The following GPR132 variants were observed in gnomAD, a reference collection of about 807,000 sequenced individuals.
The protein encoded by GPR132 is probable G protein-coupled receptor 132.
GPR132 carries 4 observed loss-of-function variants against 1.9 expected under a neutral mutation model. That is an observed-to-expected ratio of 2.13 (90% confidence interval 1.05 to 4.87). The LOEUF (loss-of-function observed/expected upper bound fraction) is 4.87. Ranked by LOEUF, GPR132 falls within the 30% of genes most tolerant of loss-of-function variation. The pLI is 0.01. For missense variants in GPR132, 404 were observed against 512.5 expected (o/e 0.79, Z 2.04); for synonymous variants, 233 against 234.2 (o/e 0.99, Z 0.05).
At position 105,051,903 on chromosome 14, in the gene GPR132, G is replaced by T. The variant is rs140865688; in HGVS notation, c.234C>A (p.Ala78=). The change falls in exon 4 of 4, where the codon GCC becomes GCA. Residue 78 remains alanine, a synonymous_variant. Transcript: ENST00000329797. The surrounding 1 kb of genome is among the most constrained non-coding windows in gnomAD (Gnocchi z 8.0). ...AGAGTGCCAGGCAGAGCAGGTAGACGGCCAGCACGTTGCCCTGCAGTACCT... is the reference window on the plus strand; with the variant it reads ...AGAGTGCCAGGCAGAGCAGGTAGACTGCCAGCACGTTGCCCTGCAGTACCT... The part of the protein sequence containing the change: ...LLQVLQGNVL[A]VYLLCLALCE... The T allele has an allele frequency of 6.2e-7, 1 of 1,613,546 alleles. No individual in the cohort carries two copies. Among genetic ancestry groups the T allele is most frequent in the South Asian group, 1.1e-5 (1 of 91,076 alleles).
In GPR132 at chr14:105,055,506, G is replaced by T; in HGVS notation, c.-86C>A. ...GGAGACTCTGCCCCAGGAAGCACTC[G>T]CTCCGCATTTGCTCCCAGCCCCCAG... On this transcript the variant is annotated 5_prime_UTR_variant, in exon 3 of 4. Transcript: ENST00000329797. The surrounding 1 kb of genome is among the most constrained non-coding windows in gnomAD (Gnocchi z 4.7). 1 of 767,364 alleles carries T rather than the reference G, an allele frequency of 1.3e-6. No homozygotes were observed. The highest frequency in any genetic ancestry group is 2.5e-6 in the Non-Finnish European group (1 of 407,576). 47.5% of individuals were successfully genotyped at this position (767,364 alleles called of 1,614,324 possible).
rs12890396 is a variant in GPR132 at position 105,049,889 on chromosome 14, C to T, written c.*1105G>A. 0.51 allele frequency: 77,059 copies of T among 152,320 alleles called. 22,284 individuals carry two copies. The highest frequency in any genetic ancestry group is 0.65 in the Non-Finnish European group (44,490 of 68,088). The allele number at this position is 152,320 out of a possible 1,614,324, so 9.4% of individuals were successfully genotyped here. On this transcript the variant is annotated 3_prime_UTR_variant, in exon 4 of 4. Transcript: ENST00000329797. The stretch of plus-strand genomic sequence containing the variant: ...CGTGGCTCAGCCCCACGGCCCTGCG[C>T]GGCCTCCCTGGAAGCCCCTGTGCTG...
chr14:105,057,408 AATGTTG>A, intron 1 of GPR132, 128 bp from the exon 2 acceptor site: 1 of 513,962 alleles, frequency 1.9e-6, no homozygotes. Flanking sequence ...GTGTTTTTTA[AATGTTG>A]AGAATCTGCC....
At position 105,060,657 on chromosome 14, in the gene GPR132, G is replaced by A. The variant is rs539269723; in HGVS notation, c.-860-3377C>T. Among the ~76,000 whole-genome samples, 10 of 152,190 alleles carry A rather than the reference G, an allele frequency of 6.6e-5. No individual in the cohort carries two copies. Among genetic ancestry groups the A allele is most frequent in the Admixed American group, 2.6e-4 (4 of 15,280 alleles). On this transcript the variant is annotated intron_variant, in intron 1 of 3. Transcript: ENST00000329797. This position sits in a 1 kb window ranked among gnomAD's most constrained non-coding sequence, Gnocchi z 6.3. Reference sequence around the variant, plus strand: ...TGAGGCCCCTGGGCCCCATCAGAACGCCTGAGCCGCCCAGGAAGGGGCTCC... The same window carrying A: ...TGAGGCCCCTGGGCCCCATCAGAACACCTGAGCCGCCCAGGAAGGGGCTCC...
Position 105,059,650 on chromosome 14 carries a change from A to G in GPR132, c.-860-2370T>C, listed in dbSNP as rs114617791. Among the ~76,000 whole-genome samples, 481 of 152,088 alleles carry G rather than the reference A, an allele frequency of 3.2e-3. 2 individuals carry two copies. The highest frequency in any genetic ancestry group is 0.011 in the African/African-American group (436 of 41,504). On this transcript the variant is annotated intron_variant, in intron 1 of 3. Transcript: ENST00000329797. This position sits in a 1 kb window ranked among gnomAD's most constrained non-coding sequence, Gnocchi z 4.2. ...GTCCCCACCTTTCTGGACGGAACCA[A>G]TGTACGTCTCACATATATTGATTGA...
At chr14:105,054,049 C>T (rs1474501141) in intron 3 of GPR132, 2 of 1,288,270 alleles carry the variant, frequency 1.6e-6, no homozygotes, top group Non-Finnish European at 2.0e-6. Context: ...CCACCAGCTC[C>T]AGTGTCCTGG....
chr14:105,061,921 A>T (rs959905797), intron 1 of GPR132, among the ~76,000 whole-genome samples: 4 of 152,232 alleles, frequency 2.6e-5, no homozygotes, highest in African/African-American at 9.6e-5. Flanking sequence ...AGGTGCTCCC[A>T]GCCTGCCGGA....
intron 3 of GPR132, chr14:105,054,075 G>C: frequency 7.8e-7 from 1 of 1,288,654 alleles, no homozygotes; most frequent in Non-Finnish European, 1.0e-6. Flanking sequence ...CACTCTGGCT[G>C]AGTTCATGCT....
At position 105,060,164 on chromosome 14, in the gene GPR132, G is replaced by A. The variant is rs1243850724; in HGVS notation, c.-860-2884C>T. On this transcript the variant is annotated intron_variant, in intron 1 of 3. Coordinates refer to ENST00000329797, the MANE Select transcript of GPR132 (RefSeq NM_013345.4). This position sits in a 1 kb window ranked among gnomAD's most constrained non-coding sequence, Gnocchi z 6.3. ...TCCCTCGGGTGCCTGTGTGCTGGGC[G>A]CTGCCCTCCCAGCTGCTGCTCTGCC... Among the ~76,000 whole-genome samples, 2 of 152,222 alleles carry A rather than the reference G, an allele frequency of 1.3e-5. No homozygotes were observed. The highest frequency in any genetic ancestry group is 2.4e-5 in the African/African-American group (1 of 41,454).
intron 1 of GPR132, among the ~76,000 whole-genome samples, chr14:105,061,033 T>C (rs1423983178): frequency 6.6e-6 from 1 of 152,210 alleles, no homozygotes; most frequent in Non-Finnish European, 1.5e-5. Context: ...GCTGCTGACG[T>C]CCAGATCCCG....
intron 3 of GPR132, chr14:105,053,877 C>A: frequency 9.2e-7 from 1 of 1,088,780 alleles, no homozygotes; most frequent in Admixed American, 4.5e-5. Context: ...CACAAAAGTC[C>A]TTAAATGTGG....
Position 105,060,921 on chromosome 14 carries a change from C to A in GPR132, c.-860-3641G>T, listed in dbSNP as rs11626099. On this transcript the variant is annotated intron_variant, in intron 1 of 3. Coordinates refer to ENST00000329797, the MANE Select transcript of GPR132 (RefSeq NM_013345.4). This position sits in a 1 kb window ranked among gnomAD's most constrained non-coding sequence, Gnocchi z 6.3. ...GCAGGCAGAGGCTCACAGCGAGGCC[C>A]CTCTGGGATCCAGGCCTGTATGTTG... 6.6e-6 allele frequency among the ~76,000 whole-genome samples: 1 copy of A among 152,252 alleles called. No homozygotes were observed. Among genetic ancestry groups the A allele is most frequent in the African/African-American group, 2.4e-5 (1 of 41,476 alleles).
At chr14:105,062,899 T>G (rs1886986379) in intron 1 of GPR132, among the ~76,000 whole-genome samples, 2 of 151,836 alleles carry the variant, frequency 1.3e-5, no homozygotes, top group Non-Finnish European at 2.9e-5. Flanking sequence ...CCTCTCCCTC[T>G]CTCTCTTGCT....
rs145856085 is a variant in GPR132 at position 105,058,861 on chromosome 14, G to A, written c.-860-1581C>T. The stretch of plus-strand genomic sequence containing the variant: ...GCACCACCCTGACCAGCCAAAGAGG[G>A]TTTGCAGGGAGGAGAGCGCCCTAAA... On this transcript the variant is annotated intron_variant, in intron 1 of 3. Transcript: ENST00000329797. Among the ~76,000 whole-genome samples, 227 of 152,368 alleles carry A rather than the reference G, an allele frequency of 1.5e-3. 5 individuals are homozygous for A. In the East Asian group the frequency reaches 0.027, roughly 18 times the overall value.
chr14:105,053,890 G>A, intron 3 of GPR132: 2 of 1,106,484 alleles, frequency 1.8e-6, no homozygotes, highest in Non-Finnish European at 2.2e-6. Flanking sequence ...AAATGTGGGA[G>A]AGGGCAAAAG....
intron 1 of GPR132, among the ~76,000 whole-genome samples, chr14:105,061,920 C>A (rs1260385826): frequency 2.6e-5 from 4 of 152,354 alleles, no homozygotes; most frequent in South Asian, 2.1e-4. Context: ...AAGGTGCTCC[C>A]AGCCTGCCGG....
chr14:105,055,201 C>CTTGGGAGG lies in GPR132; in HGVS notation c.34+185_34+186insCCTCCCAA, dbSNP rs1334902710. On this transcript the variant is annotated intron_variant, in intron 3 of 3. Coordinates refer to ENST00000329797, the MANE Select transcript of GPR132 (RefSeq NM_013345.4). The surrounding 1 kb of genome is among the most constrained non-coding windows in gnomAD (Gnocchi z 4.7). Reference sequence around the variant, plus strand: ...AAATATTAGCCAGGCGTGGTGGGCACCTGTAATCCCAGCTACTTGGGAGGC... The same window carrying CTTGGGAGG: ...AAATATTAGCCAGGCGTGGTGGGCACTTGGGAGGCTGTAATCCCAGCTACTTGGGAGGC... 1.5e-4 allele frequency among the ~76,000 whole-genome samples: 23 copies of CTTGGGAGG among 151,674 alleles called. No homozygotes were observed. The highest frequency in any genetic ancestry group is 9.9e-4 in the Admixed American group (15 of 15,196).
chr14:105,058,715 C>T (rs961418389), intron 1 of GPR132, among the ~76,000 whole-genome samples: 2 of 152,200 alleles, frequency 1.3e-5, no homozygotes, highest in East Asian at 1.9e-4. Context: ...ATGAGGGGCC[C>T]GGAGGAGGGA....
chr14:105,060,210 G>A lies in GPR132; in HGVS notation c.-860-2930C>T, dbSNP rs933422403. On this transcript the variant is annotated intron_variant, in intron 1 of 3. Coordinates refer to ENST00000329797, the MANE Select transcript of GPR132 (RefSeq NM_013345.4). The surrounding 1 kb of genome is among the most constrained non-coding windows in gnomAD (Gnocchi z 6.3). ...CTGCCAAGATCCGTGTGGCCCTGTC[G>A]TCTGGCTGCTGCGCCCAGCTCCAAG... Among the ~76,000 whole-genome samples the A allele has an allele frequency of 1.3e-5, 2 of 152,236 alleles. No individual in the cohort carries two copies. Among genetic ancestry groups the A allele is most frequent in the South Asian group, 2.1e-4 (1 of 4,836 alleles).
Sources: gnomAD v4.1 joint callset for allele counts (sites outside exome capture counted in the v4.1 genomes callset) on GRCh38, gnomAD v4.1.1 for gene constraint, Gnocchi (gnomAD v3.1) non-coding constraint, MANE v1.5 for transcripts, NCBI Gene and HGNC (gene_info 2026-07-23, HGNC 2026-07-21) for gene names.